The following RC3H1 variants were observed in gnomAD, a reference collection of about 807,000 sequenced individuals.
The protein encoded by RC3H1 is ring finger and CCCH-type domains 1.
RC3H1 carries 50 observed loss-of-function variants against 138.2 expected under a neutral mutation model. The ratio of observed to expected loss-of-function variants is 0.36; its 90% CI spans 0.29 to 0.46. RC3H1 has a LOEUF of 0.46. RC3H1 is among the 20% of genes least tolerant of loss of function. RC3H1 has a pLI of 1.00. For synonymous variants in RC3H1, 462 were observed against 489.1 expected (o/e 0.94, Z 0.73); for missense variants, 1,031 against 1,388.1 (o/e 0.74, Z 4.09).
intron 1 of RC3H1, among the ~76,000 whole-genome samples, chr1:174,011,340 C>T (rs1175520296): frequency 2.6e-5 from 4 of 151,704 alleles, no homozygotes; most frequent in South Asian, 4.2e-4. Context: ...TAATGAGAGG[C>T]TAGATTCAAG....
At chr1:173,955,225 C>CAAAA (rs560354496) in intron 13 of RC3H1, among the ~76,000 whole-genome samples, 1 of 60,804 alleles carries the variant, frequency 1.6e-5, no homozygotes, top group Non-Finnish European at 3.3e-5. Context: ...AACTCTGTCA[C>CAAAA]AAAAAAAAAA....
At chr1:173,979,401 A>C (rs1660712493) in intron 6 of RC3H1, among the ~76,000 whole-genome samples, 1 of 152,202 alleles carries the variant, frequency 6.6e-6, no homozygotes, top group Admixed American at 6.5e-5. Flanking sequence ...TAATCCTAGC[A>C]CTTTGGGAGG....
At chr1:173,965,335 C>T (rs895679747) in intron 9 of RC3H1, among the ~76,000 whole-genome samples, 2 of 152,160 alleles carry the variant, frequency 1.3e-5, no homozygotes, top group African/African-American at 4.8e-5. Context: ...TGGCTCATGC[C>T]TGTAATCCCA....
At chr1:173,960,877 AAAAGATCTTGACTCCTAATGCATTAC>A (rs1659842708) in intron 13 of RC3H1, among the ~76,000 whole-genome samples, 174 bp downstream of exon 13, 1 of 152,196 alleles carries the variant, frequency 6.6e-6, no homozygotes, top group Admixed American at 6.5e-5. Flanking sequence ...GGAACAAAAA[AAAAGATCTTGACTCCTAATGCATTAC>A]ATTACATACA....
intron 12 of RC3H1, 98 bp from the exon 13 acceptor site, chr1:173,961,342 G>A (rs1659866330): frequency 2.8e-6 from 3 of 1,069,144 alleles, no homozygotes; most frequent in South Asian, 1.6e-5. Context: ...GAAACAGCTT[G>A]TATACCCTTC....
chr1:173,983,469 A>C lies in RC3H1; in HGVS notation c.541T>G (p.Ser181Ala). 1 of 1,614,212 alleles carries C rather than the reference A, an allele frequency of 6.2e-7. No individual in the cohort carries two copies. Among genetic ancestry groups the C allele is most frequent in the Non-Finnish European group, 8.5e-7 (1 of 1,180,028 alleles). The change falls in exon 4 of 20, where the codon TCC becomes GCC. Residue 181 changes from serine (S) to alanine (A), a missense_variant. By Grantham distance (99) the Ser-to-Ala change is moderately conservative (BLOSUM62 1). Transcript: ENST00000367696. Reference protein sequence around the residue: ...LQHQNPQQLSSNLWAAVRARG... With the variant: ...LQHQNPQQLSANLWAAVRARG... ...GCCCTTACTGCTGCCCAAAGATTGG[A>C]AGAGAGTTGCTGAGGATTCTGGTGC...
At chr1:173,948,168 A>C (rs1182151457) in intron 14 of RC3H1, among the ~76,000 whole-genome samples, 3 of 152,220 alleles carry the variant, frequency 2.0e-5, no homozygotes, top group African/African-American at 7.2e-5. Flanking sequence ...AATCAAACTG[A>C]ACTTGAAAAT....
At chr1:174,009,252 C>G (rs372658062) in intron 1 of RC3H1, 1 of 152,104 alleles carries the variant, frequency 6.6e-6, no homozygotes, top group Non-Finnish European at 1.5e-5. Context: ...AACAGGGACC[C>G]TGGTTAAGAA....
At position 173,947,459 on chromosome 1, in the gene RC3H1, A is replaced by C. The variant is rs1336986420; in HGVS notation, c.2647T>G (p.Ser883Ala). ...RPTVSRFGAI[S>A]RTSKTIYQGA... ...TGATATATAGTTTTGGAAGTTCGTG[A>C]GATGGCACCAAACCGAGACACTGTT... is the stretch of plus-strand genomic sequence containing the variant. Residue 883 changes from serine to alanine, a missense_variant, in exon 15 of 20, where the codon TCA becomes GCA. By Grantham distance (99) the Ser-to-Ala change is moderately conservative. This residue lies in a region of RC3H1 where 716 missense variants were observed against 837.9 expected (regional missense o/e 0.85). Transcript: ENST00000367696. The C allele has an allele frequency of 6.2e-7, 1 of 1,614,028 alleles. No individual in the cohort carries two copies. Among genetic ancestry groups the C allele is most frequent in the South Asian group, 1.1e-5 (1 of 91,066 alleles).
intron 13 of RC3H1, among the ~76,000 whole-genome samples, chr1:173,955,133 G>C (rs1659576727): frequency 6.7e-6 from 1 of 149,926 alleles, no homozygotes; most frequent in Admixed American, 6.6e-5. Context: ...GGCTGAGGCG[G>C]GAGAATCGCT....
chr1:173,972,304 G>A (rs1424197582), intron 8 of RC3H1, among the ~76,000 whole-genome samples: 4 of 152,160 alleles, frequency 2.6e-5, no homozygotes, highest in Non-Finnish European at 5.9e-5. Context: ...ATTATTTAAT[G>A]TCAATATTGT....
chr1:174,017,783 C>CAAAAAAAAAAAAAAAAAAAAAAAAAAAA (rs61239660), intron 1 of RC3H1, among the ~76,000 whole-genome samples: 7 of 72,028 alleles, frequency 9.7e-5, no homozygotes, highest in African/African-American at 4.0e-4. Context: ...TTTTCTTGCT[C>CAAAAAAAAAAAAAAAAAAAAAAAAAAAA]AAAAAAAAAA....
At chr1:173,981,156 C>T (rs1404462139) in intron 5 of RC3H1, 147 bp from the exon 6 acceptor site, 2 of 672,182 alleles carry the variant, frequency 3.0e-6, no homozygotes, top group South Asian at 2.0e-5. Context: ...TTCTCCTTAA[C>T]TTGTTGAGGT....
In RC3H1 at chr1:173,947,489, G is replaced by T; in HGVS notation, c.2617C>A (p.Arg873=). Residue 873 remains arginine, a synonymous_variant, in exon 15 of 20, where the codon CGA becomes AGA. Coordinates refer to ENST00000367696, the MANE Select transcript of RC3H1 (RefSeq NM_172071.4). ...SDDDLIPFGD[R]PTVSRFGAIS... ...GCACCAAACCGAGACACTGTTGGTC[G>T]GTCTCCAAATGGGATGAGGTCATCA... is the stretch of plus-strand genomic sequence containing the variant. The T allele has an allele frequency of 6.2e-7, 1 of 1,613,814 alleles. No homozygotes were observed. The highest frequency in any genetic ancestry group is 2.2e-5 in the East Asian group (1 of 44,846).
chr1:173,978,743 C>A (rs951032553), intron 6 of RC3H1, 123 bp from the exon 7 acceptor site: 1 of 1,012,188 alleles, frequency 9.9e-7, no homozygotes, highest in Admixed American at 2.9e-5. Context: ...ATATACCCTA[C>A]ACTTTGGCCA....
chr1:173,931,371 A>G lies in RC3H1; in HGVS notation c.*7350T>C, dbSNP rs1472580144. Reference sequence around the variant, plus strand: ...CAACTCATGGGAGCCTTAAACACTAATTAGGAGCAACATGAGGCTGAGTCA... The same window carrying G: ...CAACTCATGGGAGCCTTAAACACTAGTTAGGAGCAACATGAGGCTGAGTCA... On this transcript the variant is annotated 3_prime_UTR_variant, in exon 20 of 20. Transcript: ENST00000367696. 5 of 152,252 alleles carry G rather than the reference A, an allele frequency of 3.3e-5. No individual in the cohort carries two copies. The highest frequency in any genetic ancestry group is 5.9e-5 in the Non-Finnish European group (4 of 68,046). 9.4% of individuals were successfully genotyped at this position (152,252 alleles called of 1,614,324 possible).
chr1:173,982,819 C>T lies in RC3H1; in HGVS notation c.676G>A (p.Val226Met). 1 of 1,613,958 alleles carries T rather than the reference C, an allele frequency of 6.2e-7. No homozygotes were observed. The highest frequency in any genetic ancestry group is 8.5e-7 in the Non-Finnish European group (1 of 1,179,932). Residue 226 changes from valine (V) to methionine (M), a missense_variant, in exon 5 of 20, where the codon GTG becomes ATG. Transcript: ENST00000367696. ...ALSRKVLVLF[V>M]VQRLEPRFPQ... Reference sequence around the variant, plus strand: ...AACCGTGGCTCCAATCTTTGCACCACAAACAGAACCAATACTTTTCTTGAC... The same window carrying T: ...AACCGTGGCTCCAATCTTTGCACCATAAACAGAACCAATACTTTTCTTGAC...
At position 173,961,772 on chromosome 1, in the gene RC3H1, A is replaced by G. The variant is rs140392051; in HGVS notation, c.2155T>C (p.Tyr719His). 1.1e-4 allele frequency: 178 copies of G among 1,613,010 alleles called. No homozygotes were observed. The African/African-American group carries it at 2.0e-3, about 18-fold the overall frequency. The stretch of plus-strand genomic sequence containing the variant: ...TGAGTTGGATGAGGAGCCACTGGAT[A>G]GTAACTCTCGATCTGTTGGTATCTT... ...RERYQQIESY[Y>H]PVAPHPTQIR... Residue 719 changes from tyrosine to histidine, a missense_variant, in exon 12 of 20, where the codon TAT (tyrosine) becomes CAT (histidine). Physicochemically the swap from Tyr to His is moderately conservative, Grantham distance 83. Coordinates refer to ENST00000367696, the MANE Select transcript of RC3H1 (RefSeq NM_172071.4).
At chr1:173,939,871 A>T (rs1479928729) in intron 19 of RC3H1, among the ~76,000 whole-genome samples, 2 of 152,102 alleles carry the variant, frequency 1.3e-5, no homozygotes, top group South Asian at 4.1e-4. Context: ...ATAGTGCATG[A>T]ATTAAAAAAA....
Sources: gnomAD v4.1 joint callset for allele counts (sites outside exome capture counted in the v4.1 genomes callset) on GRCh38, gnomAD v4.1.1 for gene constraint, gnomAD v4.1.1 regional missense constraint, MANE v1.5 for transcripts, NCBI Gene and HGNC (gene_info 2026-07-23, HGNC 2026-07-21) for gene names.